TRPV4: variants seen among roughly 807,000 people sequenced by gnomAD.
TRPV4 encodes OSM9-like transient receptor potential channel 4.
TRPV4 carries 58 observed loss-of-function variants against 84.1 expected under a neutral mutation model. The ratio of observed to expected loss-of-function variants is 0.69; its 90% confidence interval spans 0.56 to 0.86. The LOEUF (loss-of-function observed/expected upper bound fraction) is 0.86. Ranked by LOEUF, TRPV4 falls within the 40% of genes least tolerant of loss-of-function variation. The pLI is 0.00. For synonymous variants in TRPV4, 489 were observed against 500.9 expected, an observed-to-expected ratio of 0.98 and a Z score of 0.32; for missense variants, 879 against 1,181.1, an observed-to-expected ratio of 0.74 and a Z score of 3.75.
intron 1 of TRPV4, among the ~76,000 whole-genome samples, chr12:109,831,379 C>A (rs1892404888): frequency 6.6e-6 from 1 of 152,260 alleles, no homozygotes; most frequent in African/African-American, 2.4e-5. Context: ...ATCCATTCCA[C>A]AGCATACATT....
intron 7 of TRPV4, among the ~76,000 whole-genome samples, chr12:109,795,687 C>T (rs1326644619): frequency 6.6e-6 from 1 of 152,114 alleles, no homozygotes; most frequent in Non-Finnish European, 1.5e-5. Flanking sequence ...TTTAAAAGTA[C>T]AGAACGACGT....
Position 109,798,975 on chromosome 12 carries a change from A to G in TRPV4, c.854-63T>C. ...GGGCCCAGGGTGGGACTCTGCCTGC[A>G]GACACTCGGGGGACGGACACCGTGG... On this transcript the variant is annotated intron_variant, in intron 5 of 15. Coordinates refer to ENST00000261740, the MANE Select transcript of TRPV4 (RefSeq NM_021625.5). The surrounding 1 kb of genome is among the most constrained non-coding windows in gnomAD (Gnocchi z 5.0). 1.3e-6 allele frequency: 2 copies of G among 1,511,086 alleles called. No individual in the cohort carries two copies. Among genetic ancestry groups the G allele is most frequent in the Non-Finnish European group, 1.8e-6 (2 of 1,109,084 alleles). The allele number at this position is 1,511,086 out of a possible 1,614,324, so 93.6% of individuals were successfully genotyped here.
At chr12:109,819,512 T>A (rs1829087726) in intron 1 of TRPV4, among the ~76,000 whole-genome samples, 2 of 152,258 alleles carry the variant, frequency 1.3e-5, no homozygotes, top group African/African-American at 4.8e-5. Context: ...CCTGCACGAC[T>A]GTGAACATCC....
intron 3 of TRPV4, among the ~76,000 whole-genome samples, chr12:109,807,276 CAA>C (rs200798445): frequency 0.15 from 16,581 of 107,220 alleles, 1,214 homozygotes; most frequent in African/African-American, 0.24. Flanking sequence ...AACTCTGTCT[CAA>C]AAAAAAAAAA....
In TRPV4 at chr12:109,798,873, G is replaced by T; in HGVS notation, c.893C>A (p.Pro298His). ...PLSLAACTNQ[P>H]HIVNYLTENP... ...CTCCGTCAGGTAGTTGACAATGTGG[G>T]GCTGGTTGGTGCAGGCAGCCAGCGA... The change falls in exon 6 of 16, where the codon CCC becomes CAC. Residue 298 changes from proline to histidine, a missense_variant. Transcript: ENST00000261740. This position sits in a 1 kb window ranked among gnomAD's most constrained non-coding sequence, Gnocchi z 5.0. 6.2e-7 allele frequency: 1 copy of T among 1,613,576 alleles called. No individual in the cohort carries two copies. Among genetic ancestry groups the T allele is most frequent in the Non-Finnish European group, 8.5e-7 (1 of 1,179,670 alleles).
intron 6 of TRPV4, among the ~76,000 whole-genome samples, chr12:109,797,696 A>AT (rs923209533): frequency 2.4e-4 from 37 of 151,512 alleles, no homozygotes; most frequent in South Asian, 6.3e-4. Context: ...TTTTTGCTAC[A>AT]TTTTTTTTTA....
Position 109,786,918 on chromosome 12 carries a change from C to T in TRPV4, c.2209-81G>A, listed in dbSNP as rs747233625. The T allele has an allele frequency of 5.6e-6, 9 of 1,597,094 alleles. No individual in the cohort carries two copies. Among genetic ancestry groups the T allele is most frequent in the South Asian group, 2.2e-5 (2 of 89,526 alleles). Reference sequence around the variant, plus strand: ...CGCTCTGGTGGCAGAAATGAGACAACGGGCCAGGGTGGGCCCAGAACTAGG... The same window carrying T: ...CGCTCTGGTGGCAGAAATGAGACAATGGGCCAGGGTGGGCCCAGAACTAGG... On this transcript the variant is annotated intron_variant, in intron 13 of 15. Transcript: ENST00000261740. This position sits in a 1 kb window ranked among gnomAD's most constrained non-coding sequence, Gnocchi z 4.5.
At chr12:109,809,717 A>G (rs1891407872) in intron 2 of TRPV4, among the ~76,000 whole-genome samples, 1 of 152,170 alleles carries the variant, frequency 6.6e-6, no homozygotes, top group Non-Finnish European at 1.5e-5. Flanking sequence ...ACCCACTCAT[A>G]TATTAGTCAT....
rs1011499677 is a variant in TRPV4 at position 109,808,588 on chromosome 12, C to G, written c.387-120G>C. 27 of 907,524 alleles carry G rather than the reference C, an allele frequency of 3.0e-5. No homozygotes were observed. The South Asian group carries it at 4.6e-4, about 15-fold the overall frequency. 56.2% of individuals were successfully genotyped at this position (907,524 alleles called of 1,614,324 possible). On this transcript the variant is annotated intron_variant, in intron 2 of 15. Coordinates refer to ENST00000261740, the MANE Select transcript of TRPV4 (RefSeq NM_021625.5). Reference sequence around the variant, plus strand: ...CAGGCAGCTGAAGCCTTACAAGGAACAGGGTGAGGTAGTTGGGGCAGATGT... The same window carrying G: ...CAGGCAGCTGAAGCCTTACAAGGAAGAGGGTGAGGTAGTTGGGGCAGATGT...
intron 2 of TRPV4, among the ~76,000 whole-genome samples, chr12:109,810,088 C>T (rs887635130): frequency 1.2e-4 from 19 of 152,162 alleles, no homozygotes; most frequent in Admixed American, 1.1e-3. Flanking sequence ...AGGAAGGAAA[C>T]AGACACTAAG....
In TRPV4 at chr12:109,824,374, C is replaced by A. The variant is rs1244736432; in HGVS notation, c.-32+8976G>T. 2.6e-5 allele frequency among the ~76,000 whole-genome samples: 4 copies of A among 152,138 alleles called. No homozygotes were observed. In the East Asian group the frequency reaches 7.7e-4, roughly 29 times the overall value. ...TTCCCTTATCTCGCTTCCTTCCCAT[C>A]AGAGCATAGCCCCAGGATTCCACCC... On this transcript the variant is annotated intron_variant, in intron 1 of 15. Coordinates refer to ENST00000261740, the MANE Select transcript of TRPV4 (RefSeq NM_021625.5).
intron 1 of TRPV4, among the ~76,000 whole-genome samples, chr12:109,831,554 G>T (rs532265227): frequency 4.6e-5 from 7 of 152,372 alleles, no homozygotes; most frequent in African/African-American, 1.7e-4. Flanking sequence ...GCCCAGCCCA[G>T]AGCTGGCACA....
chr12:109,788,323 A>T, intron 13 of TRPV4, 77 bp downstream of exon 13: 4 of 1,440,204 alleles, frequency 2.8e-6, no homozygotes, highest in Non-Finnish European at 3.8e-6. Flanking sequence ...TGGAAGGCCG[A>T]GGAAGCCAGT....
At position 109,788,475 on chromosome 12, in the gene TRPV4, G is replaced by T. The variant is rs752352703; in HGVS notation, c.2133C>A (p.Leu711=). 2.5e-6 allele frequency: 4 copies of T among 1,614,094 alleles called. No homozygotes were observed. The highest frequency in any genetic ancestry group is 3.3e-5 in the Admixed American group (2 of 60,010). Residue 711 remains leucine, a synonymous_variant, in exon 13 of 16, where the codon CTC becomes CTA. Transcript: ENST00000261740. ...TYIILTFVLL[L]NMLIALMGET... is the part of the protein sequence containing the mutation. ...CGCCCATGAGGGCAATGAGCATGTT[G>T]AGGAGCAGCACAAAGGTGAGGATGA...
Position 109,788,107 on chromosome 12 carries a change from G to A in TRPV4, c.2208+293C>T, listed in dbSNP as rs542890737. On this transcript the variant is annotated intron_variant, in intron 13 of 15. Coordinates refer to ENST00000261740, the MANE Select transcript of TRPV4 (RefSeq NM_021625.5). ...ATGCCCACGGAGCACTTTCTGAGCC[G>A]GCAGAAGTCACTCAGTCATGCTAGG... 7.9e-5 allele frequency among the ~76,000 whole-genome samples: 12 copies of A among 152,336 alleles called. No homozygotes were observed. The South Asian group carries it at 1.0e-3, about 13-fold the overall frequency.
At chr12:109,791,731 G>A (rs897264451) in intron 12 of TRPV4, among the ~76,000 whole-genome samples, 3 of 151,626 alleles carry the variant, frequency 2.0e-5, no homozygotes, top group Non-Finnish European at 4.4e-5. Context: ...TGATCTACCC[G>A]CCTCAGCCTC....
rs1009212727 is a variant in TRPV4 at position 109,786,424 on chromosome 12, G to A, written c.2336+286C>T. Among the ~76,000 whole-genome samples the A allele has an allele frequency of 5.3e-5, 8 of 152,322 alleles. No homozygotes were observed. Among genetic ancestry groups the A allele is most frequent in the South Asian group, 4.1e-4 (2 of 4,822 alleles). On this transcript the variant is annotated intron_variant, in intron 14 of 15. Coordinates refer to ENST00000261740, the MANE Select transcript of TRPV4 (RefSeq NM_021625.5). The surrounding 1 kb of genome is among the most constrained non-coding windows in gnomAD (Gnocchi z 4.5). ...GGGAGCCTGTGGCGTCCCGATGCGC[G>A]TCGGGCACTGGCTGAGCACTTCTCA... is the stretch of plus-strand genomic sequence containing the variant.
intron 1 of TRPV4, among the ~76,000 whole-genome samples, chr12:109,823,688 T>G (rs561855735): frequency 4.6e-5 from 7 of 152,146 alleles, no homozygotes; most frequent in Non-Finnish European, 1.0e-4. Context: ...TACAGAGTCC[T>G]TTTTTGGGGT....
chr12:109,791,008 C>T (rs1246368226), intron 12 of TRPV4, among the ~76,000 whole-genome samples: 1 of 152,224 alleles, frequency 6.6e-6, no homozygotes, highest in Non-Finnish European at 1.5e-5. Flanking sequence ...GCCAGCTGAC[C>T]ACAGGCACAA....
Sources: gnomAD v4.1 joint callset for allele counts (sites outside exome capture counted in the v4.1 genomes callset) on GRCh38, gnomAD v4.1.1 for gene constraint, Gnocchi (gnomAD v3.1) non-coding constraint, MANE v1.5 for transcripts, NCBI Gene and HGNC (gene_info 2026-07-23, HGNC 2026-07-21) for gene names.